The following ADGB variants were observed in gnomAD, a reference collection of about 807,000 sequenced individuals.
ADGB encodes the protein calpain-7-like protein.
In ADGB, 172 loss-of-function variants were observed where a neutral mutation model predicts 210.5. That is an observed-to-expected ratio of 0.82 (90% CI 0.72 to 0.93). The LOEUF (loss-of-function observed/expected upper bound fraction) is 0.93, where lower values mean the gene tolerates loss of function less well. Among genes scored for constraint, ADGB ranks in the 40% least tolerant of loss-of-function variants. ADGB has a pLI of 0.00. For missense variants in ADGB, 2,025 were observed against 1,964.8 expected (o/e 1.03, Z -0.58); for synonymous variants, 658 against 662.7 (o/e 0.99, Z 0.11).
At chr6:146,600,352 CT>C in intron 1 of ADGB, 1 of 271,922 alleles carries the variant, frequency 3.7e-6, no homozygotes, top group Non-Finnish European at 7.8e-6. Context: ...CGAGGACGCC[CT>C]TCAGAATCAG....
At chr6:146,702,595 A>G (rs1776506128) in intron 13 of ADGB, among the ~76,000 whole-genome samples, 1 of 151,866 alleles carries the variant, frequency 6.6e-6, no homozygotes, top group Non-Finnish European at 1.5e-5. Context: ...CACACACACA[A>G]TATTTCACAA....
chr6:146,718,574 T>C (rs989062073), intron 16 of ADGB, among the ~76,000 whole-genome samples: 1 of 152,184 alleles, frequency 6.6e-6, no homozygotes, highest in Non-Finnish European at 1.5e-5. Context: ...ATTAAAGTAA[T>C]TAACAAACCA....
intron 13 of ADGB, among the ~76,000 whole-genome samples, chr6:146,706,892 T>G (rs1474499911): frequency 6.7e-6 from 1 of 149,394 alleles, no homozygotes; most frequent in African/African-American, 2.5e-5. Flanking sequence ...GTTCTGAGAT[T>G]TATTATTTCC....
chr6:146,803,651 T>C, intron 35 of ADGB: 1 of 1,304,608 alleles, frequency 7.7e-7, no homozygotes, highest in South Asian at 1.2e-5. Flanking sequence ...ATCAATGAAA[T>C]GATCCTCAAT....
In ADGB at chr6:146,735,119, T is replaced by C. The variant is rs80071695; in HGVS notation, c.2794+1089T>C. Among the ~76,000 whole-genome samples, 12 of 152,284 alleles carry C rather than the reference T, an allele frequency of 7.9e-5. No individual in the cohort carries two copies. The East Asian group carries it at 2.3e-3, about 29-fold the overall frequency. On this transcript the variant is annotated intron_variant, in intron 22 of 35. Transcript: ENST00000397944. ...AGTAAAAACGTCAGATACACAATGGTTTAAAAACCCTAAATTACATAGTTT... is the reference window on the plus strand; with the variant it reads ...AGTAAAAACGTCAGATACACAATGGCTTAAAAACCCTAAATTACATAGTTT...
chr6:146,647,449 T>C (rs1775635898), intron 3 of ADGB, among the ~76,000 whole-genome samples: 1 of 151,568 alleles, frequency 6.6e-6, no homozygotes, highest in African/African-American at 2.4e-5. Flanking sequence ...TTGAAGTGAA[T>C]CAGACACAGG....
At chr6:146,676,217 T>A in intron 8 of ADGB, 96 bp from the exon 9 acceptor site, 2 of 1,116,884 alleles carry the variant, frequency 1.8e-6, no homozygotes, top group Middle Eastern at 2.3e-4. Flanking sequence ...ATAATACTAT[T>A]ATTTTGGCCT....
intron 1 of ADGB, among the ~76,000 whole-genome samples, chr6:146,619,717 G>A (rs1780861852): frequency 6.6e-6 from 1 of 151,978 alleles, no homozygotes; most frequent in African/African-American, 2.4e-5. Context: ...TTCAATTTAT[G>A]TCTTTTTCTA....
At chr6:146,628,002 GT>G (rs1310244975) in intron 1 of ADGB, among the ~76,000 whole-genome samples, 1 of 152,080 alleles carries the variant, frequency 6.6e-6, no homozygotes, top group Non-Finnish European at 1.5e-5. Context: ...TCCAGATTTT[GT>G]GTTGTCTTAG....
At position 146,741,102 on chromosome 6, in the gene ADGB, G is replaced by A; in HGVS notation, c.3024-16G>A. 2.0e-6 allele frequency: 3 copies of A among 1,493,350 alleles called. No homozygotes were observed. Among genetic ancestry groups the A allele is most frequent in the Non-Finnish European group, 2.7e-6 (3 of 1,121,422 alleles). The allele number at this position is 1,493,350 out of a possible 1,614,324, so 92.5% of individuals were successfully genotyped here. On this transcript the variant is annotated splice_polypyrimidine_tract_variant and intron_variant, in intron 24 of 35. Transcript: ENST00000397944. Reference sequence around the variant, plus strand: ...GAATTCACATCAAGGGAAAGTTCATGCTTTTGTAATTACAGAGAAACATTT... The same window carrying A: ...GAATTCACATCAAGGGAAAGTTCATACTTTTGTAATTACAGAGAAACATTT...
intron 6 of ADGB, 129 bp downstream of exon 6, chr6:146,664,469 G>C: frequency 1.1e-6 from 1 of 946,402 alleles, no homozygotes; most frequent in Admixed American, 3.6e-5. Context: ...ACAATGTAAT[G>C]CTCTAGTATA....
At chr6:146,696,904 A>G (rs1486338672) in intron 12 of ADGB, among the ~76,000 whole-genome samples, 2 of 152,150 alleles carry the variant, frequency 1.3e-5, no homozygotes, top group Non-Finnish European at 2.9e-5. Flanking sequence ...GTCTGTCTTT[A>G]CAGATTTGGC....
chr6:146,682,973 G>T (rs1776177592), intron 9 of ADGB, among the ~76,000 whole-genome samples: 1 of 151,880 alleles, frequency 6.6e-6, no homozygotes, highest in Non-Finnish European at 1.5e-5. Flanking sequence ...TGGGAGGTGG[G>T]GCCTAATGAG....
chr6:146,659,724 C>T (rs1323018596), intron 5 of ADGB, among the ~76,000 whole-genome samples: 3 of 152,140 alleles, frequency 2.0e-5, no homozygotes, highest in Non-Finnish European at 4.4e-5. Context: ...CACAGAGCAG[C>T]TCTCTCCCGT....
intron 11 of ADGB, among the ~76,000 whole-genome samples, chr6:146,691,820 T>A (rs1278185106): frequency 6.6e-6 from 1 of 151,814 alleles, no homozygotes; most frequent in African/African-American, 2.4e-5. Flanking sequence ...GCAAAGTGCA[T>A]CTGCTTTTAG....
chr6:146,775,848 GTTTATA>G (rs1777713315), intron 29 of ADGB, among the ~76,000 whole-genome samples: 1 of 151,490 alleles, frequency 6.6e-6, no homozygotes, highest in Non-Finnish European at 1.5e-5. Context: ...AGACTTTTCT[GTTTATA>G]TTTATCAAGT....
chr6:146,690,431 G>A (rs566515287), intron 10 of ADGB, among the ~76,000 whole-genome samples: 1 of 152,214 alleles, frequency 6.6e-6, no homozygotes, highest in African/African-American at 2.4e-5. Context: ...TTTGGCTATA[G>A]TGTATATCAC....
chr6:146,664,925 C>G lies in ADGB; in HGVS notation c.752+585C>G, dbSNP rs890698527. Among the ~76,000 whole-genome samples, 3 of 151,996 alleles carry G rather than the reference C, an allele frequency of 2.0e-5. No individual in the cohort carries two copies. In the Admixed American group the frequency reaches 2.0e-4, roughly 10 times the overall value. ...GTGCACCAACATATATGAGACACAT[C>G]TGCTATGTGCTATTCCCTCAGCTTA... On this transcript the variant is annotated intron_variant, in intron 6 of 35. Transcript: ENST00000397944.
intron 29 of ADGB, among the ~76,000 whole-genome samples, chr6:146,776,530 A>T (rs1367847217): frequency 6.6e-6 from 1 of 152,162 alleles, no homozygotes; most frequent in Non-Finnish European, 1.5e-5. Flanking sequence ...GTATATTAAG[A>T]ATGTAAAGAA....
Sources: gnomAD v4.1 joint callset for allele counts (sites outside exome capture counted in the v4.1 genomes callset) on GRCh38, gnomAD v4.1.1 for gene constraint, MANE v1.5 for transcripts, NCBI Gene and HGNC (gene_info 2026-07-23, HGNC 2026-07-21) for gene names.